Variants in MCTP1 observed in about 807,000 individuals in gnomAD.
The protein encoded by MCTP1 is multiple C2 and transmembrane domain containing 1, also known as multiple C2 and transmembrane domain-containing protein 1.
Under a neutral mutation model 120.6 loss-of-function variants are expected in MCTP1, and 69 were observed. That is an observed-to-expected ratio of 0.57 (90% confidence interval 0.47 to 0.70). The LOEUF is 0.70. Among genes scored for constraint, MCTP1 ranks in the 30% least tolerant of loss-of-function variants. The pLI is 0.00. For synonymous variants in MCTP1, 529 were observed against 493.1 expected, an observed-to-expected ratio of 1.07 and a Z score of -0.96; for missense variants, 1,203 against 1,248.8, an observed-to-expected ratio of 0.96 and a Z score of 0.55.
intron 1 of MCTP1, among the ~76,000 whole-genome samples, chr5:95,046,669 T>C (rs1352236103): frequency 6.6e-6 from 1 of 152,164 alleles, no homozygotes; most frequent in Non-Finnish European, 1.5e-5. Flanking sequence ...GAAGACTTCC[T>C]AACCATTATT....
chr5:95,266,983 T>C (rs1758932874), intron 1 of MCTP1, among the ~76,000 whole-genome samples: 1 of 152,236 alleles, frequency 6.6e-6, no homozygotes, highest in South Asian at 2.1e-4. Flanking sequence ...AATGTAATGG[T>C]GAGCTTTAAC....
At chr5:95,168,991 T>A (rs1746835246) in intron 1 of MCTP1, among the ~76,000 whole-genome samples, 1 of 152,292 alleles carries the variant, frequency 6.6e-6, no homozygotes, top group South Asian at 2.1e-4. Flanking sequence ...TCAAAGGGAA[T>A]GCTTCCAGTT....
intron 12 of MCTP1, among the ~76,000 whole-genome samples, chr5:94,874,570 T>C (rs1798411169): frequency 6.6e-6 from 1 of 152,144 alleles, no homozygotes; most frequent in Non-Finnish European, 1.5e-5. Context: ...GGAACAATTT[T>C]AAATAAAGAA....
intron 21 of MCTP1, chr5:94,709,638 A>G: frequency 6.6e-6 from 1 of 152,122 alleles, no homozygotes; most frequent in Admixed American, 6.6e-5. Context: ...GAAGAAATGA[A>G]AGATGAACAT....
At chr5:94,922,491 C>A (rs1313532859) in intron 7 of MCTP1, among the ~76,000 whole-genome samples, 1 of 150,148 alleles carries the variant, frequency 6.7e-6, no homozygotes, top group Non-Finnish European at 1.5e-5. Flanking sequence ...TGTATATTCC[C>A]CCCCTTTTTT....
intron 1 of MCTP1, among the ~76,000 whole-genome samples, chr5:95,167,943 T>G (rs1035630202): frequency 6.6e-6 from 1 of 152,224 alleles, no homozygotes; most frequent in Non-Finnish European, 1.5e-5. Context: ...CCATTGCTTT[T>G]GGTGTTTTAG....
At chr5:95,157,227 C>A (rs1745224300) in intron 1 of MCTP1, among the ~76,000 whole-genome samples, 1 of 152,074 alleles carries the variant, frequency 6.6e-6, no homozygotes, top group South Asian at 2.1e-4. Context: ...GTAGTTAGGT[C>A]TTAAAATATA....
chr5:94,776,881 T>C (rs948079677), intron 19 of MCTP1, among the ~76,000 whole-genome samples: 1 of 152,198 alleles, frequency 6.6e-6, no homozygotes. Context: ...AGATGGAAGA[T>C]GGAACCTTGC....
At chr5:95,106,100 G>T (rs1044940842) in intron 1 of MCTP1, among the ~76,000 whole-genome samples, 2 of 152,186 alleles carry the variant, frequency 1.3e-5, no homozygotes, top group African/African-American at 4.8e-5. Context: ...CCCTGACATG[G>T]TGATCATCTG....
chr5:95,015,117 C>G (rs1189762936), intron 2 of MCTP1, among the ~76,000 whole-genome samples: 1 of 152,012 alleles, frequency 6.6e-6, no homozygotes, highest in Non-Finnish European at 1.5e-5. Flanking sequence ...TAATAGACTA[C>G]AGTATGGTAT....
chr5:95,044,172 G>A (rs1842795003), intron 1 of MCTP1, among the ~76,000 whole-genome samples: 1 of 152,198 alleles, frequency 6.6e-6, no homozygotes, highest in Non-Finnish European at 1.5e-5. Flanking sequence ...GAAGTTCTAG[G>A]AGGACCTCCT....
At chr5:94,950,565 GATAC>G (rs1288459670) in intron 3 of MCTP1, among the ~76,000 whole-genome samples, 1 of 151,980 alleles carries the variant, frequency 6.6e-6, no homozygotes, top group Non-Finnish European at 1.5e-5. Flanking sequence ...TATATGTATA[GATAC>G]ATACATATAT....
rs112698425 is a variant in MCTP1, at chr5:94,718,829, C to T, written c.2611-3943G>A. ...CCGCCTCCCAGGTTCAAGCAATTCT[C>T]CTGCCTCAGCCTCCCAAGTAGCTGG... On this transcript the variant is annotated intron_variant, in intron 19 of 22. Transcript: ENST00000515393. 3.0e-3 allele frequency among the ~76,000 whole-genome samples: 463 copies of T among 152,320 alleles called. 2 individuals carry two copies. Among genetic ancestry groups the T allele is most frequent in the African/African-American group, 0.011 (442 of 41,566 alleles).
At chr5:95,220,009 C>G (rs956726186) in intron 1 of MCTP1, among the ~76,000 whole-genome samples, 1 of 152,176 alleles carries the variant, frequency 6.6e-6, no homozygotes, top group Admixed American at 6.5e-5. Context: ...AATTCAGCAA[C>G]AGCTTGCAAT....
intron 1 of MCTP1, among the ~76,000 whole-genome samples, chr5:95,151,573 T>G (rs952781043): frequency 1.3e-5 from 2 of 152,216 alleles, no homozygotes; most frequent in African/African-American, 4.8e-5. Flanking sequence ...TGGCCATTAT[T>G]AAAAATGGCT....
At chr5:94,752,649 C>G (rs2152810360) in intron 19 of MCTP1, among the ~76,000 whole-genome samples, 1 of 152,180 alleles carries the variant, frequency 6.6e-6, no homozygotes, top group East Asian at 1.9e-4. Context: ...TCTACTCAAA[C>G]TTACCTGAGT....
At chr5:94,945,592 A>T (rs1202712883) in intron 3 of MCTP1, among the ~76,000 whole-genome samples, 1 of 152,224 alleles carries the variant, frequency 6.6e-6, no homozygotes, top group African/African-American at 2.4e-5. Context: ...AGCAGTGATC[A>T]AAACAGTCAA....
At chr5:94,814,078 T>C (rs965219777) in intron 17 of MCTP1, among the ~76,000 whole-genome samples, 19 of 152,078 alleles carry the variant, frequency 1.2e-4, no homozygotes, top group African/African-American at 4.6e-4. Context: ...TCCTCTGAGG[T>C]GATGGTTGTA....
At chr5:95,198,016 G>C (rs1026728078) in intron 1 of MCTP1, among the ~76,000 whole-genome samples, 1 of 152,062 alleles carries the variant, frequency 6.6e-6, no homozygotes, top group South Asian at 2.1e-4. Context: ...TACGTGTTTA[G>C]TACAGACACA....
Sources: gnomAD v4.1 joint callset for allele counts (sites outside exome capture counted in the v4.1 genomes callset) on GRCh38, gnomAD v4.1.1 for gene constraint, MANE v1.5 for transcripts, NCBI Gene and HGNC (gene_info 2026-07-23, HGNC 2026-07-21) for gene names.